HOOK1: variants seen among roughly 807,000 people sequenced by gnomAD.
The protein encoded by HOOK1 is protein Hook homolog 1.
A neutral mutation model predicts 112.8 loss-of-function variants in HOOK1; 60 were observed. That is an observed-to-expected ratio of 0.53 (90% confidence interval 0.43 to 0.66). The LOEUF is 0.66. Ranked by LOEUF, HOOK1 falls within the 30% of genes least tolerant of loss-of-function variation. The probability of loss-of-function intolerance (pLI) is 0.00; values close to 1 mark genes in which losing one functional copy is unlikely to be tolerated. For synonymous variants in HOOK1, 294 were observed against 283.8 expected, an observed-to-expected ratio of 1.04 and a Z score of -0.36; for missense variants, 770 against 856.0, an observed-to-expected ratio of 0.90 and a Z score of 1.25.
chr1:59,835,241 G>T (rs933677300), intron 5 of HOOK1, 104 bp from the exon 6 acceptor site: 2 of 705,380 alleles, frequency 2.8e-6, no homozygotes, highest in African/African-American at 1.8e-5. Context: ...TTACATAAAG[G>T]ATTATCTGTG....
Position 59,860,231 on chromosome 1 carries a change from T to C in HOOK1, c.1435T>C (p.Leu479=). The C allele has an allele frequency of 6.2e-7, 1 of 1,609,180 alleles. No individual in the cohort carries two copies. The highest frequency in any genetic ancestry group is 8.5e-7 in the Non-Finnish European group (1 of 1,177,290). Residue 479 remains leucine, a synonymous_variant, in exon 15 of 22, where the codon TTA becomes CTA. Transcript: ENST00000371208. ...RLQHENKMLR[L]QQEGSENERI... ...GCAACATGAAAATAAGATGCTTCGC[T>C]TACAGCAAGAAGGCTCTGAGAATGA...
intron 12 of HOOK1, among the ~76,000 whole-genome samples, chr1:59,854,613 C>A: frequency 6.6e-6 from 1 of 151,826 alleles, no homozygotes; most frequent in East Asian, 1.9e-4. Flanking sequence ...TTTATGTCAT[C>A]CTACTGTGTT....
In HOOK1 at chr1:59,875,412, G is replaced by GTGAT. The variant is rs1451022830; in HGVS notation, c.*2449_*2452dup. ...ATGTAATTTAAAGTTCTGTATTATTGTGATTAATCATACAGAAATTCAGGA... is the reference window on the plus strand; with the variant it reads ...ATGTAATTTAAAGTTCTGTATTATTGTGATTGATTAATCATACAGAAATTCAGGA... On this transcript the variant is annotated 3_prime_UTR_variant, in exon 22 of 22. Transcript: ENST00000371208. The GTGAT allele has an allele frequency of 2.6e-5, 4 of 152,560 alleles. No individual in the cohort carries two copies. The highest frequency in any genetic ancestry group is 9.6e-5 in the African/African-American group (4 of 41,456). 9.5% of individuals were successfully genotyped at this position (152,560 alleles called of 1,614,324 possible).
At chr1:59,839,736 A>G (rs2098399963) in intron 7 of HOOK1, among the ~76,000 whole-genome samples, 2 of 152,218 alleles carry the variant, frequency 1.3e-5, no homozygotes, top group South Asian at 2.1e-4. Context: ...GTTGAATAGG[A>G]GCGGTGAGAG....
At chr1:59,857,725 A>G (rs2098411453) in intron 12 of HOOK1, among the ~76,000 whole-genome samples, 1 of 152,238 alleles carries the variant, frequency 6.6e-6, no homozygotes, top group African/African-American at 2.4e-5. Context: ...ATTCAGTAGT[A>G]CTTTTCAAGT....
chr1:59,849,133 G>A lies in HOOK1; in HGVS notation c.1192G>A (p.Glu398Lys). The change falls in exon 12 of 22, where the codon GAA (glutamate) becomes AAA (lysine). Residue 398 changes from glutamate (E) to lysine (K), a missense_variant. By Grantham distance (56) the Glu-to-Lys change is moderately conservative. Around this residue, in one of 3 missense-constraint regions of HOOK1, gnomAD observed 655 missense variants for 725.9 expected, o/e 0.90. Coordinates refer to ENST00000371208, the MANE Select transcript of HOOK1 (RefSeq NM_015888.6). ...ESKRADTLAF[E>K]MKRLEEKHEA... The stretch of plus-strand genomic sequence containing the variant: ...CAAGAGGGCAGACACACTAGCGTTT[G>A]AAATGAAGCGGCTTGAAGAAAAACA... 12 of 1,609,882 alleles carry A rather than the reference G, an allele frequency of 7.5e-6. No homozygotes were observed. Among genetic ancestry groups the A allele is most frequent in the Non-Finnish European group, 1.0e-5 (12 of 1,177,092 alleles).
rs2098412155 is a variant in HOOK1, at chr1:59,859,006, A to G, written c.1352A>G (p.Tyr451Cys). The change falls in exon 14 of 22, where the codon TAT becomes TGT. Residue 451 changes from tyrosine to cysteine, a missense_variant. By Grantham distance (194) the Tyr-to-Cys change is radical. Coordinates refer to ENST00000371208, the MANE Select transcript of HOOK1 (RefSeq NM_015888.6). ...NQTDASATKS[Y>C]ENLAAEIMPV... Reference sequence around the variant, plus strand: ...TTAGATGCATCTGCTACAAAAAGTTATGAGAATCTTGCTGCTGAGATTATG... The same window carrying G: ...TTAGATGCATCTGCTACAAAAAGTTGTGAGAATCTTGCTGCTGAGATTATG... 1 of 1,577,474 alleles carries G rather than the reference A, an allele frequency of 6.3e-7. No homozygotes were observed. The highest frequency in any genetic ancestry group is 8.7e-7 in the Non-Finnish European group (1 of 1,150,630).
At chr1:59,864,896 G>T in intron 17 of HOOK1, 1 of 551,554 alleles carries the variant, frequency 1.8e-6, no homozygotes. Context: ...TAAAAAAACA[G>T]ATTAACTATC....
At chr1:59,846,927 T>C in intron 9 of HOOK1, 118 bp from the exon 10 acceptor site, 1 of 629,066 alleles carries the variant, frequency 1.6e-6, no homozygotes, top group East Asian at 3.2e-5. Flanking sequence ...TTATTCATCA[T>C]ATATTTTATT....
chr1:59,870,926 C>A, intron 20 of HOOK1, 116 bp from the exon 21 acceptor site: 2 of 689,898 alleles, frequency 2.9e-6, no homozygotes, highest in Admixed American at 2.3e-5. Flanking sequence ...CATTGTGTGC[C>A]TCACAAGTGC....
chr1:59,852,448 CTTT>C (rs988009484), intron 12 of HOOK1, among the ~76,000 whole-genome samples: 5 of 149,972 alleles, frequency 3.3e-5, no homozygotes, highest in Non-Finnish European at 7.4e-5. Context: ...GTTATTTCTT[CTTT>C]ATTTCTGTGA....
chr1:59,828,691 C>A, intron 2 of HOOK1, 89 bp from the exon 3 acceptor site: 1 of 1,019,062 alleles, frequency 9.8e-7, no homozygotes. Context: ...GGCTTTAAGA[C>A]ATAAAGTAAC....
At chr1:59,824,053 C>G (rs926209793) in intron 2 of HOOK1, among the ~76,000 whole-genome samples, 1 of 152,048 alleles carries the variant, frequency 6.6e-6, no homozygotes, top group African/African-American at 2.4e-5. Context: ...TTTTTAAACT[C>G]CTTTACAGTT....
At chr1:59,867,117 T>C (rs966300878) in intron 19 of HOOK1, among the ~76,000 whole-genome samples, 1 of 152,212 alleles carries the variant, frequency 6.6e-6, no homozygotes, top group Admixed American at 6.5e-5. Context: ...ATATGATTTT[T>C]TTTCCCATTA....
intron 1 of HOOK1, among the ~76,000 whole-genome samples, chr1:59,818,979 A>G (rs954379206): frequency 4.6e-5 from 7 of 152,154 alleles, no homozygotes; most frequent in Non-Finnish European, 8.8e-5. Flanking sequence ...ATTTAGAAAT[A>G]TAGAAGAGAG....
At chr1:59,865,822 G>C in intron 18 of HOOK1, 50 bp from the exon 19 acceptor site, 1 of 742,388 alleles carries the variant, frequency 1.3e-6, no homozygotes. Context: ...TATTTTAATA[G>C]GTAGTAAATA....
chr1:59,858,842 G>T, intron 13 of HOOK1, 143 bp from the exon 14 acceptor site: 1 of 471,706 alleles, frequency 2.1e-6, no homozygotes, highest in Non-Finnish European at 3.8e-6. Flanking sequence ...GGGGAGGGGA[G>T]GGGAGCGGGG....
chr1:59,855,228 C>T (rs112956300), intron 12 of HOOK1, among the ~76,000 whole-genome samples: 2 of 152,238 alleles, frequency 1.3e-5, no homozygotes, highest in African/African-American at 4.8e-5. Context: ...AGATTGTTTC[C>T]TCAACCAGGT....
intron 19 of HOOK1, among the ~76,000 whole-genome samples, chr1:59,867,903 CTCAAG>C (rs1215983614): frequency 6.6e-6 from 1 of 151,894 alleles, no homozygotes; most frequent in Non-Finnish European, 1.5e-5. Context: ...TTTAAAAATT[CTCAAG>C]TCAAATAAAT....
Sources: gnomAD v4.1 joint callset for allele counts (sites outside exome capture counted in the v4.1 genomes callset) on GRCh38, gnomAD v4.1.1 for gene constraint, gnomAD v4.1.1 regional missense constraint, MANE v1.5 for transcripts, NCBI Gene and HGNC (gene_info 2026-07-23, HGNC 2026-07-21) for gene names.